The following OTUD7A variants were observed in gnomAD, a reference collection of about 807,000 sequenced individuals.
OTUD7A encodes OTU domain-containing protein 7A.
OTUD7A carries 12 observed loss-of-function variants against 65.7 expected under a neutral mutation model. That is an observed-to-expected ratio of 0.18 (90% CI 0.12 to 0.30). The LOEUF is 0.30. Among genes scored for constraint, OTUD7A ranks in the 10% least tolerant of loss-of-function variants. The pLI, the probability that OTUD7A is intolerant of heterozygous loss-of-function variation, is 1.00. For missense variants in OTUD7A, 1,148 were observed against 1,304.8 expected, an observed-to-expected ratio of 0.88 and a Z score of 1.85; for synonymous variants, 641 against 586.3, an observed-to-expected ratio of 1.09 and a Z score of -1.35.
At chr15:31,645,711 T>A (rs1891641929) in intron 3 of OTUD7A, among the ~76,000 whole-genome samples, 1 of 152,260 alleles carries the variant, frequency 6.6e-6, no homozygotes, top group Non-Finnish European at 1.5e-5. Flanking sequence ...AGTATTCAAA[T>A]AATGTGCATA....
intron 10 of OTUD7A, among the ~76,000 whole-genome samples, chr15:31,499,838 T>C (rs1259287522): frequency 3.3e-5 from 5 of 152,138 alleles, no homozygotes; most frequent in African/African-American, 1.2e-4. Flanking sequence ...AGATCCCAGT[T>C]TTTAGAAACC....
chr15:31,690,363 G>T (rs539339742), intron 1 of OTUD7A, among the ~76,000 whole-genome samples: 1 of 151,816 alleles, frequency 6.6e-6, no homozygotes, highest in South Asian at 2.1e-4. Flanking sequence ...TTTACTAGAA[G>T]GCTTGAGTAG....
intron 1 of OTUD7A, among the ~76,000 whole-genome samples, chr15:31,777,023 C>A (rs1004586812): frequency 2.0e-5 from 3 of 152,126 alleles, no homozygotes; most frequent in African/African-American, 7.2e-5. Flanking sequence ...CCACCTGCCC[C>A]CTAGCTCAGT....
chr15:31,503,397 G>A (rs2041503923), intron 9 of OTUD7A, among the ~76,000 whole-genome samples: 1 of 152,222 alleles, frequency 6.6e-6, no homozygotes, highest in Non-Finnish European at 1.5e-5. Flanking sequence ...AGGGGTGTGG[G>A]CTGTCTGCTA....
In OTUD7A at chr15:31,863,614, C is replaced by T. The variant is rs141736212; in HGVS notation, c.-100+6893G>A. ...CGGGTGGAATGGCTGAGACACAGGG[C>T]ACCAAGTCCCTAGGCTGCACACAGC... On this transcript the variant is annotated intron_variant, in intron 1 of 12. Transcript: ENST00000307050. Among the ~76,000 whole-genome samples the T allele has an allele frequency of 6.2e-3, 938 of 152,316 alleles. 4 individuals carry two copies. The highest frequency in any genetic ancestry group is 0.01 in the Middle Eastern group (3 of 294).
intron 8 of OTUD7A, 143 bp from the exon 9 acceptor site, chr15:31,503,961 C>T (rs2041515608): frequency 3.0e-6 from 3 of 997,884 alleles, no homozygotes; most frequent in African/African-American, 3.3e-5. Context: ...CCATCCTGGG[C>T]CACTTCTCAT....
At chr15:31,568,742 C>A (rs1888955471) in intron 4 of OTUD7A, among the ~76,000 whole-genome samples, 1 of 152,210 alleles carries the variant, frequency 6.6e-6, no homozygotes, top group Non-Finnish European at 1.5e-5. Flanking sequence ...GGGCCAACCC[C>A]TTGGTGATAA....
At chr15:31,839,435 G>A (rs1015309828) in intron 1 of OTUD7A, among the ~76,000 whole-genome samples, 11 of 152,184 alleles carry the variant, frequency 7.2e-5, no homozygotes, top group African/African-American at 2.4e-4. Context: ...GACTGGCTGT[G>A]ACCAACAGGA....
intron 1 of OTUD7A, chr15:31,765,727 A>G (rs1895078281): frequency 7.6e-6 from 8 of 1,059,272 alleles, no homozygotes; most frequent in South Asian, 1.4e-5. Context: ...CAAGTATTAC[A>G]TACTTTTTAA....
rs1174742672 is a variant in OTUD7A, at chr15:31,483,893, C to G, written c.2203G>C (p.Gly735Arg). Residue 735 changes from glycine to arginine, a missense_variant, in exon 13 of 13, where the codon GGG (glycine) becomes CGG (arginine). Transcript: ENST00000307050. ...CGCGCCGCACGCCCTGCCGCGGGCCCGGGGCTCGGCCGCTCCTTGAGCTTG... is the reference window on the plus strand; with the variant it reads ...CGCGCCGCACGCCCTGCCGCGGGCCGGGGGCTCGGCCGCTCCTTGAGCTTG... ...VLKLKERPSP[G>R]PAAGRAARAA... The G allele has an allele frequency of 1.1e-4, 115 of 1,002,740 alleles. No individual in the cohort carries two copies. Among genetic ancestry groups the G allele is most frequent in the Non-Finnish European group, 1.3e-4 (113 of 843,030 alleles). 62.1% of individuals were successfully genotyped at this position (1,002,740 alleles called of 1,614,324 possible). A position where few individuals can be genotyped will look rare whatever the true frequency, so the allele number is the denominator to read the frequency against.
Position 31,765,705 on chromosome 15 carries a change from A to G in OTUD7A, c.-100+104802T>C, listed in dbSNP as rs183752024. On this transcript the variant is annotated intron_variant, in intron 1 of 12. Transcript: ENST00000307050. Reference sequence around the variant, plus strand: ...TACATTCTCAGATATGGCTTCATTTATCAAAGTTCCACAAGTATTACATAC... The same window carrying G: ...TACATTCTCAGATATGGCTTCATTTGTCAAAGTTCCACAAGTATTACATAC... 811 of 945,026 alleles carry G rather than the reference A, an allele frequency of 8.6e-4. 13 individuals carry two copies. In the South Asian group the frequency reaches 0.011, roughly 12 times the overall value. 58.5% of individuals were successfully genotyped at this position (945,026 alleles called of 1,614,324 possible).
At chr15:31,645,249 C>G (rs1891626782) in intron 3 of OTUD7A, among the ~76,000 whole-genome samples, 1 of 152,204 alleles carries the variant, frequency 6.6e-6, no homozygotes, top group South Asian at 2.1e-4. Context: ...TTGGGGACTA[C>G]TGTCCTTTAC....
chr15:31,860,207 GA>G (rs2141014651), intron 1 of OTUD7A, among the ~76,000 whole-genome samples: 1 of 152,220 alleles, frequency 6.6e-6, no homozygotes, highest in African/African-American at 2.4e-5. Context: ...TCTGCTGTAT[GA>G]CAAGCAAGTC....
At chr15:31,842,461 A>G (rs964553858) in intron 1 of OTUD7A, among the ~76,000 whole-genome samples, 3 of 152,202 alleles carry the variant, frequency 2.0e-5, no homozygotes, top group Non-Finnish European at 4.4e-5. Flanking sequence ...TTTTCCCACC[A>G]GTTAAGCCAG....
chr15:31,659,076 T>TAAATAAATA (rs1261212291), intron 1 of OTUD7A, among the ~76,000 whole-genome samples: 3 of 131,798 alleles, frequency 2.3e-5, no homozygotes, highest in Admixed American at 7.6e-5. Flanking sequence ...AATAAATAAA[T>TAAATAAATA]AAATAAAATA....
At chr15:31,561,628 AT>A (rs1888691385) in intron 4 of OTUD7A, among the ~76,000 whole-genome samples, 1 of 152,286 alleles carries the variant, frequency 6.6e-6, no homozygotes, top group South Asian at 2.1e-4. Flanking sequence ...AACATGAAAT[AT>A]TTGGAGTTTG....
At chr15:31,594,926 T>C (rs749927629) in intron 3 of OTUD7A, among the ~76,000 whole-genome samples, 3 of 152,148 alleles carry the variant, frequency 2.0e-5, no homozygotes, top group Non-Finnish European at 4.4e-5. Flanking sequence ...GTGACCTGCA[T>C]GCATCAGGGG....
chr15:31,593,702 G>A (rs113460669), intron 3 of OTUD7A, among the ~76,000 whole-genome samples: 16 of 151,996 alleles, frequency 1.1e-4, no homozygotes, highest in Non-Finnish European at 1.9e-4. Context: ...ATAGTCCAGC[G>A]GGGGGGACTT....
chr15:31,517,916 G>T (rs551036970), intron 8 of OTUD7A, among the ~76,000 whole-genome samples: 13 of 152,246 alleles, frequency 8.5e-5, no homozygotes, highest in African/African-American at 3.1e-4. Context: ...AAGCCAGTCT[G>T]GGGCCGGCAG....
Sources: gnomAD v4.1 joint callset for allele counts (sites outside exome capture counted in the v4.1 genomes callset) on GRCh38, gnomAD v4.1.1 for gene constraint, MANE v1.5 for transcripts, NCBI Gene and HGNC (gene_info 2026-07-23, HGNC 2026-07-21) for gene names.